RECK: variants seen among roughly 807,000 people sequenced by gnomAD.
The protein encoded by RECK is reversion-inducing cysteine-rich protein with Kazal motifs.
A neutral mutation model predicts 115.1 loss-of-function variants in RECK; 69 were observed. That is an observed-to-expected ratio of 0.60 (90% CI 0.49 to 0.73). RECK has a LOEUF of 0.73. Among genes scored for constraint, RECK ranks in the 30% least tolerant of loss-of-function variants. The pLI, the probability that RECK is intolerant of heterozygous loss-of-function variation, is 0.00. For synonymous variants in RECK, 414 were observed against 419.7 expected (o/e 0.99, Z 0.17); for missense variants, 1,047 against 1,203.7 (o/e 0.87, Z 1.93).
At position 36,094,730 on chromosome 9, in the gene RECK, A is replaced by G. The variant is rs1170949727; in HGVS notation, c.1085+3387A>G. Among the ~76,000 whole-genome samples, 2 of 152,230 alleles carry G rather than the reference A, an allele frequency of 1.3e-5. No individual in the cohort carries two copies. The highest frequency in any genetic ancestry group is 3.8e-4 in the East Asian group (2 of 5,202). On this transcript the variant is annotated intron_variant, in intron 10 of 20. Coordinates refer to ENST00000377966, the MANE Select transcript of RECK (RefSeq NM_021111.3). This position sits in a 1 kb window ranked among gnomAD's most constrained non-coding sequence, Gnocchi z 4.1. Reference sequence around the variant, plus strand: ...AATGATCAAAGTTCAATTTATCATGAAGATACAATTAACCTAGATATATAT... The same window carrying G: ...AATGATCAAAGTTCAATTTATCATGGAGATACAATTAACCTAGATATATAT...
In RECK at chr9:36,124,195, A is replaced by T. The variant is rs1467742985; in HGVS notation, c.*1150A>T. On this transcript the variant is annotated 3_prime_UTR_variant, in exon 21 of 21. Transcript: ENST00000377966. ...TTCACAGTTTGAAATAAGCTATTTG[A>T]TGTAATACTTCTTGTGTGTATGCAC... 6.5e-6 allele frequency: 1 copy of T among 152,672 alleles called. No homozygotes were observed. The highest frequency in any genetic ancestry group is 1.5e-5 in the Non-Finnish European group (1 of 68,050). 9.5% of individuals were successfully genotyped at this position (152,672 alleles called of 1,614,324 possible).
chr9:36,106,779 G>T (rs1823836747), intron 13 of RECK, among the ~76,000 whole-genome samples: 1 of 151,906 alleles, frequency 6.6e-6, no homozygotes, highest in South Asian at 2.1e-4. Context: ...TTAAAATGGT[G>T]ACATCTGTAT....
chr9:36,080,574 T>G, intron 6 of RECK, 31 bp from the exon 7 acceptor site: 1 of 1,561,334 alleles, frequency 6.4e-7, no homozygotes, highest in Non-Finnish European at 8.8e-7. Flanking sequence ...GGTTGTTAAT[T>G]TCTGTTTATT....
chr9:36,038,266 A>G (rs1277504367), intron 1 of RECK, among the ~76,000 whole-genome samples: 3 of 152,158 alleles, frequency 2.0e-5, no homozygotes, highest in African/African-American at 7.2e-5. Flanking sequence ...GTGATATGCC[A>G]CTGCCCTCGG....
At chr9:36,080,927 A>G (rs905147463) in intron 7 of RECK, among the ~76,000 whole-genome samples, 1 of 152,192 alleles carries the variant, frequency 6.6e-6, no homozygotes, top group Non-Finnish European at 1.5e-5. Context: ...CATTCAACAG[A>G]CGTTGATTGA....
At chr9:36,110,586 A>C (rs184617001) in intron 15 of RECK, among the ~76,000 whole-genome samples, 1 of 152,342 alleles carries the variant, frequency 6.6e-6, no homozygotes, top group African/African-American at 2.4e-5. Context: ...TGAAAAGGCT[A>C]GTGAGATGGG....
intron 6 of RECK, among the ~76,000 whole-genome samples, chr9:36,070,380 G>C (rs1822180295): frequency 6.6e-6 from 1 of 152,072 alleles, no homozygotes; most frequent in Non-Finnish European, 1.5e-5. Context: ...AGTCAACCTT[G>C]AAGTAACCCT....
intron 18 of RECK, 89 bp downstream of exon 18, chr9:36,119,056 A>C: frequency 7.7e-7 from 1 of 1,297,494 alleles, no homozygotes; most frequent in Non-Finnish European, 1.1e-6. Flanking sequence ...AAGAGAGCTC[A>C]TTTACGTTTT....
intron 6 of RECK, among the ~76,000 whole-genome samples, chr9:36,075,976 C>T (rs1327556904): frequency 6.6e-6 from 1 of 152,026 alleles, no homozygotes; most frequent in Non-Finnish European, 1.5e-5. Context: ...TGAGAGAGAG[C>T]TGGAGTAGTC....
At chr9:36,118,404 T>A (rs902387062) in intron 17 of RECK, among the ~76,000 whole-genome samples, 3 of 152,078 alleles carry the variant, frequency 2.0e-5, no homozygotes, top group Non-Finnish European at 2.9e-5. Flanking sequence ...GCATGAAGAT[T>A]GATCTGGTCA....
intron 16 of RECK, among the ~76,000 whole-genome samples, chr9:36,116,096 C>T (rs1824248173): frequency 6.7e-6 from 1 of 149,500 alleles, no homozygotes; most frequent in Non-Finnish European, 1.5e-5. Flanking sequence ...GCACAAAAAC[C>T]TGAATTATTT....
intron 12 of RECK, 89 bp from the exon 13 acceptor site, chr9:36,105,054 A>G (rs970607900): frequency 3.6e-6 from 4 of 1,123,832 alleles, no homozygotes; most frequent in East Asian, 2.5e-5. Context: ...TGAGCTCTTC[A>G]TTTATTCCAG....
At chr9:36,038,002 T>TA (rs370999682) in intron 1 of RECK, among the ~76,000 whole-genome samples, 55,657 of 112,282 alleles carry the variant, frequency 0.5, 13,620 homozygotes, top group East Asian at 0.62. Context: ...AGAGACACCT[T>TA]AAAAAAAAAA....
Position 36,091,335 on chromosome 9 carries a change from TAAC to T in RECK, c.1082_1084del (p.Asn361del). On this transcript the variant is annotated inframe_deletion, in exon 10 of 21. Coordinates refer to ENST00000377966, the MANE Select transcript of RECK (RefSeq NM_021111.3). ...GAAACCTTACTTACTGTACTAATTT[TAAC>T]AACAGGTAAGACAAATTATTATACA... 5.3e-6 allele frequency: 8 copies of T among 1,523,278 alleles called. No homozygotes were observed. The highest frequency in any genetic ancestry group is 7.0e-6 in the Non-Finnish European group (8 of 1,138,500). The allele number at this position is 1,523,278 out of a possible 1,614,324, so 94.4% of individuals were successfully genotyped here.
chr9:36,037,597 T>C (rs2132537976), intron 1 of RECK, among the ~76,000 whole-genome samples: 1 of 151,660 alleles, frequency 6.6e-6, no homozygotes, highest in South Asian at 2.1e-4. Context: ...GCAGGAGACA[T>C]TAAAAATCAG....
intron 13 of RECK, among the ~76,000 whole-genome samples, chr9:36,106,010 G>A (rs976775839): frequency 2.0e-5 from 3 of 151,938 alleles, no homozygotes; most frequent in Admixed American, 1.3e-4. Context: ...TCAGGAGATC[G>A]AAACCATCCT....
chr9:36,106,409 A>G (rs914436314), intron 13 of RECK, among the ~76,000 whole-genome samples: 5 of 151,128 alleles, frequency 3.3e-5, no homozygotes, highest in African/African-American at 1.2e-4. Flanking sequence ...TAATTTTTGC[A>G]TTTTTAGTAG....
chr9:36,049,285 A>G (rs1821191457), intron 1 of RECK, among the ~76,000 whole-genome samples: 1 of 152,128 alleles, frequency 6.6e-6, no homozygotes. Context: ...GTTGAGATCA[A>G]TCTGCAATCC....
intron 15 of RECK, among the ~76,000 whole-genome samples, chr9:36,111,649 C>A (rs1247957187): frequency 6.6e-6 from 1 of 152,162 alleles, no homozygotes; most frequent in Non-Finnish European, 1.5e-5. Flanking sequence ...CCACCTCAGC[C>A]TCTCAAAGTG....
Sources: allele counts gnomAD v4.1 joint callset (sites outside exome capture counted in the v4.1 genomes callset), GRCh38; gene constraint gnomAD v4.1.1; non-coding constraint Gnocchi (gnomAD v3.1); transcripts MANE v1.5; gene names NCBI Gene and HGNC (gene_info 2026-07-23, HGNC 2026-07-21).